Variants in KCNJ6 observed in about 807,000 individuals in gnomAD.
The protein encoded by KCNJ6 is G protein-activated inward rectifier potassium channel 2.
KCNJ6 carries 9 observed loss-of-function variants against 34.2 expected under a neutral mutation model. That is an observed-to-expected ratio of 0.26 (90% confidence interval 0.16 to 0.46). The LOEUF (loss-of-function observed/expected upper bound fraction) is 0.46, where lower values mean the gene tolerates loss of function less well. Among genes scored for constraint, KCNJ6 ranks in the 20% least tolerant of loss-of-function variants. The pLI is 1.00. For missense variants in KCNJ6, 236 were observed against 531.3 expected (o/e 0.44, Z 5.46); for synonymous variants, 196 against 207.1 (o/e 0.95, Z 0.46).
Position 37,761,809 on chromosome 21 carries a change from GTGT to G in KCNJ6, c.26-46681_26-46679del, listed in dbSNP as rs1158584280. 5.3e-5 allele frequency among the ~76,000 whole-genome samples: 8 copies of G among 152,160 alleles called. No individual in the cohort carries two copies. The South Asian group carries it at 1.0e-3, about 20-fold the overall frequency. On this transcript the variant is annotated intron_variant, in intron 2 of 3. Transcript: ENST00000609713. Reference sequence around the variant, plus strand: ...GGTATGTGTGCATATGTTGTGTATAGTGTTGTGTGTCGTGTGGTGTCTCTGTGC... The same window carrying G: ...GGTATGTGTGCATATGTTGTGTATAGTGTGTGTCGTGTGGTGTCTCTGTGC...
chr21:37,617,062 CTTTTCTTTTCTTT>C lies in KCNJ6; in HGVS notation c.*8084_*8096del, dbSNP rs1569430098. The C allele has an allele frequency of 5.0e-5, 3 of 60,346 alleles. No individual in the cohort carries two copies. Among genetic ancestry groups the C allele is most frequent in the Admixed American group, 1.7e-4 (1 of 5,960 alleles). 3.7% of individuals were successfully genotyped at this position (60,346 alleles called of 1,614,324 possible). ...TTTCTTTCTTTCTTTCTTTTCTTTTCTTTTCTTTTCTTTTCTTTCTTTTTCTTTCTTTCTTTTC... is the reference window on the plus strand; with the variant it reads ...TTTCTTTCTTTCTTTCTTTTCTTTTCTCTTTCTTTTTCTTTCTTTCTTTTC... On this transcript the variant is annotated 3_prime_UTR_variant, in exon 4 of 4. Coordinates refer to ENST00000609713, the MANE Select transcript of KCNJ6 (RefSeq NM_002240.5).
chr21:37,804,310 T>C (rs2055283289), intron 2 of KCNJ6, among the ~76,000 whole-genome samples: 1 of 152,196 alleles, frequency 6.6e-6, no homozygotes. Context: ...AATTACCACA[T>C]GACCCAGCAG....
chr21:37,761,327 T>C (rs2055061348), intron 2 of KCNJ6, among the ~76,000 whole-genome samples: 1 of 2,150 alleles, frequency 4.7e-4, no homozygotes, highest in Admixed American at 6.0e-3. Flanking sequence ...GTCTTGTGTG[T>C]ATTAGTGTGT....
chr21:37,820,525 T>C (rs2055368724), intron 2 of KCNJ6, among the ~76,000 whole-genome samples: 1 of 152,170 alleles, frequency 6.6e-6, no homozygotes, highest in Admixed American at 6.5e-5. Flanking sequence ...CTGCTTCAGA[T>C]GTCAGCAGCA....
chr21:37,836,573 G>A (rs562242512), intron 2 of KCNJ6, among the ~76,000 whole-genome samples: 2 of 152,302 alleles, frequency 1.3e-5, no homozygotes, highest in African/African-American at 4.8e-5. Flanking sequence ...AAAAGGATGA[G>A]TTCACGTCCT....
chr21:37,671,543 G>C (rs994620056), intron 3 of KCNJ6, among the ~76,000 whole-genome samples: 1 of 152,226 alleles, frequency 6.6e-6, no homozygotes, highest in Non-Finnish European at 1.5e-5. Flanking sequence ...CAAATTAATT[G>C]AATCCCAGGA....
At chr21:37,894,762 T>C (rs2055779730) in intron 1 of KCNJ6, among the ~76,000 whole-genome samples, 1 of 152,232 alleles carries the variant, frequency 6.6e-6, no homozygotes. Context: ...TTGACGCTGC[T>C]TTTAGGTCCC....
chr21:37,749,277 C>T (rs945579819), intron 2 of KCNJ6, among the ~76,000 whole-genome samples: 8 of 152,070 alleles, frequency 5.3e-5, no homozygotes, highest in East Asian at 3.9e-4. Flanking sequence ...TCGAGGAAGC[C>T]GGGTGTTTGC....
chr21:37,822,670 A>G (rs950546779), intron 2 of KCNJ6, among the ~76,000 whole-genome samples: 1 of 152,210 alleles, frequency 6.6e-6, no homozygotes, highest in Non-Finnish European at 1.5e-5. Flanking sequence ...GGAACTTCTC[A>G]TAGACCTCTA....
At chr21:37,876,707 C>T (rs1312974184) in intron 1 of KCNJ6, among the ~76,000 whole-genome samples, 1 of 149,744 alleles carries the variant, frequency 6.7e-6, no homozygotes, top group Admixed American at 6.6e-5. Flanking sequence ...CAAACAGGCT[C>T]ACTATGAAAC....
In KCNJ6 at chr21:37,675,910, C is replaced by T. The variant is rs916077928; in HGVS notation, c.946+38301G>A. On this transcript the variant is annotated intron_variant, in intron 3 of 3. Transcript: ENST00000609713. The surrounding 1 kb of genome is among the most constrained non-coding windows in gnomAD (Gnocchi z 4.2). The stretch of plus-strand genomic sequence containing the variant: ...GGGGTGGGGTGCGCCGACCCTGCTG[C>T]GCTTGTCAGCTTCTCTAACTGTGGC... 6.6e-6 allele frequency among the ~76,000 whole-genome samples: 1 copy of T among 152,352 alleles called. No individual in the cohort carries two copies. Among genetic ancestry groups the T allele is most frequent in the East Asian group, 1.9e-4 (1 of 5,182 alleles).
chr21:37,677,977 C>T (rs770663394), intron 3 of KCNJ6, among the ~76,000 whole-genome samples: 3 of 151,834 alleles, frequency 2.0e-5, no homozygotes, highest in Non-Finnish European at 4.4e-5. Context: ...TGCTCTTTGC[C>T]TAGCCCTACA....
At chr21:37,721,715 G>A (rs1195111370) in intron 2 of KCNJ6, among the ~76,000 whole-genome samples, 1 of 152,194 alleles carries the variant, frequency 6.6e-6, no homozygotes, top group African/African-American at 2.4e-5. Context: ...CTACAACATG[G>A]CCTCATTGGA....
At chr21:37,644,684 A>G (rs533829365) in intron 3 of KCNJ6, among the ~76,000 whole-genome samples, 3 of 152,300 alleles carry the variant, frequency 2.0e-5, no homozygotes, top group Admixed American at 6.5e-5. Context: ...GTTCACTTTT[A>G]TTGCCTTTTC....
intron 1 of KCNJ6, among the ~76,000 whole-genome samples, chr21:37,878,448 C>T (rs148207617): frequency 2.2e-4 from 33 of 152,368 alleles, no homozygotes; most frequent in African/African-American, 7.7e-4. Context: ...GAAACCAGCT[C>T]AGCACAGCAA....
chr21:37,657,491 C>T (rs2123394709), intron 3 of KCNJ6, among the ~76,000 whole-genome samples: 1 of 152,236 alleles, frequency 6.6e-6, no homozygotes, highest in East Asian at 1.9e-4. Context: ...GAGGGTCTGC[C>T]TAGTGTGCCC....
At chr21:37,793,995 A>G (rs974273463) in intron 2 of KCNJ6, among the ~76,000 whole-genome samples, 7 of 152,240 alleles carry the variant, frequency 4.6e-5, no homozygotes, top group Non-Finnish European at 1.0e-4. Flanking sequence ...CTTTTTTGAC[A>G]ATACCTCACA....
At chr21:37,637,955 A>G (rs1481599516) in intron 3 of KCNJ6, among the ~76,000 whole-genome samples, 1 of 152,226 alleles carries the variant, frequency 6.6e-6, no homozygotes. Context: ...TAGAACTGTA[A>G]GGAAATACAT....
At chr21:37,881,598 C>T (rs1866466420) in intron 1 of KCNJ6, among the ~76,000 whole-genome samples, 1 of 152,154 alleles carries the variant, frequency 6.6e-6, no homozygotes, top group African/African-American at 2.4e-5. Context: ...TCACTATAAT[C>T]TCCAACTCCT....
Sources: allele counts gnomAD v4.1 joint callset (sites outside exome capture counted in the v4.1 genomes callset), GRCh38; gene constraint gnomAD v4.1.1; non-coding constraint Gnocchi (gnomAD v3.1); transcripts MANE v1.5; gene names NCBI Gene and HGNC (gene_info 2026-07-23, HGNC 2026-07-21).